TMEM129: variants seen among roughly 807,000 people sequenced by gnomAD.
The protein encoded by TMEM129 is transmembrane protein 129, E3 ubiquitin ligase, also known as E3 ubiquitin-protein ligase TM129.
Under a neutral mutation model 34.1 loss-of-function variants are expected in TMEM129, and 35 were observed. The observed-to-expected ratio is 1.03, with a 90% CI of 0.78 to 1.36. The LOEUF is 1.36. Among genes scored for constraint, TMEM129 ranks in the 40% most tolerant of loss-of-function variants. The pLI is 0.00. For missense variants in TMEM129, 504 were observed against 512.6 expected, an observed-to-expected ratio of 0.98 and a Z score of 0.16; for synonymous variants, 239 against 217.3, an observed-to-expected ratio of 1.10 and a Z score of -0.88.
In TMEM129 at chr4:1,716,216, A is replaced by G. The variant is rs1169169069; in HGVS notation, c.*964T>C. On this transcript the variant is annotated 3_prime_UTR_variant, in exon 4 of 4. Transcript: ENST00000382936. The stretch of plus-strand genomic sequence containing the variant: ...ACCTCTGCCTCAAACAGCCAAGCCC[A>G]GGGGCTTTGGGGCCGCAGGTATGAA... 1 of 152,282 alleles carries G rather than the reference A, an allele frequency of 6.6e-6. No individual in the cohort carries two copies. Among genetic ancestry groups the G allele is most frequent in the Non-Finnish European group, 1.5e-5 (1 of 68,098 alleles). 9.4% of individuals were successfully genotyped at this position (152,282 alleles called of 1,614,324 possible). A position where few individuals can be genotyped will look rare whatever the true frequency, so the allele number is the denominator to read the frequency against.
rs1717320048 is a variant in TMEM129, at chr4:1,721,194, T to A, written c.-357A>T. 5.5e-6 allele frequency: 1 copy of A among 182,822 alleles called. No homozygotes were observed. Among genetic ancestry groups the A allele is most frequent in the Non-Finnish European group, 1.1e-5 (1 of 90,188 alleles). 11.3% of individuals were successfully genotyped at this position (182,822 alleles called of 1,614,324 possible). A position where few individuals can be genotyped will look rare whatever the true frequency, so the allele number is the denominator to read the frequency against. On this transcript the variant is annotated 5_prime_UTR_variant, in exon 1 of 4. Coordinates refer to ENST00000382936, the MANE Select transcript of TMEM129 (RefSeq NM_001127266.2). ...CCGGCCCTGGAGGCGGCACCGCACC[T>A]GTGCATTGAGCACAGGTGGGGAAAC...
chr4:1,716,767 A>C lies in TMEM129; in HGVS notation c.*413T>G. The C allele has an allele frequency of 5.8e-6, 1 of 171,234 alleles. No homozygotes were observed. 10.6% of individuals were successfully genotyped at this position (171,234 alleles called of 1,614,324 possible). A position where few individuals can be genotyped will look rare whatever the true frequency, so the allele number is the denominator to read the frequency against. The stretch of plus-strand genomic sequence containing the variant: ...GCCAGCTCCAGGACAGGGCAGGAGA[A>C]TGCGGTCCAGGTCTGGCACGTAACT... On this transcript the variant is annotated 3_prime_UTR_variant, in exon 4 of 4. Transcript: ENST00000382936.
rs758011254 is a variant in TMEM129, at chr4:1,716,214, C to A, written c.*966G>T. The A allele has an allele frequency of 6.6e-6, 1 of 152,320 alleles. No individual in the cohort carries two copies. Among genetic ancestry groups the A allele is most frequent in the Non-Finnish European group, 1.5e-5 (1 of 68,128 alleles). The allele number at this position is 152,320 out of a possible 1,614,324, so 9.4% of individuals were successfully genotyped here. On this transcript the variant is annotated 3_prime_UTR_variant, in exon 4 of 4. Transcript: ENST00000382936. ...TCACCTCTGCCTCAAACAGCCAAGC[C>A]CAGGGGCTTTGGGGCCGCAGGTATG...
At position 1,717,695 on chromosome 4, in the gene TMEM129, T is replaced by G; in HGVS notation, c.681-20A>C. On this transcript the variant is annotated intron_variant, in intron 2 of 3. Coordinates refer to ENST00000382936, the MANE Select transcript of TMEM129 (RefSeq NM_001127266.2). ...TTCAGCCTGCAGGGAGGAGAGCTGC[T>G]GGGCCCCTCTGCAGGGCAAAGGGAG... 1 of 1,484,708 alleles carries G rather than the reference T, an allele frequency of 6.7e-7. No homozygotes were observed. The highest frequency in any genetic ancestry group is 9.0e-7 in the Non-Finnish European group (1 of 1,111,960). The allele number at this position is 1,484,708 out of a possible 1,614,324, so 92.0% of individuals were successfully genotyped here.
At position 1,721,227 on chromosome 4, in the gene TMEM129, T is replaced by G; in HGVS notation, c.-390A>C. Reference sequence around the variant, plus strand: ...GAGCACAGGTGGGGAAACTTAGGCCTGAGCGAGGCCCTGGCCATGAAGCCC... The same window carrying G: ...GAGCACAGGTGGGGAAACTTAGGCCGGAGCGAGGCCCTGGCCATGAAGCCC... On this transcript the variant is annotated 5_prime_UTR_variant, in exon 1 of 4. Coordinates refer to ENST00000382936, the MANE Select transcript of TMEM129 (RefSeq NM_001127266.2). 6.1e-6 allele frequency: 1 copy of G among 163,728 alleles called. No individual in the cohort carries two copies. The highest frequency in any genetic ancestry group is 1.3e-5 in the Non-Finnish European group (1 of 76,384). 10.1% of individuals were successfully genotyped at this position (163,728 alleles called of 1,614,324 possible).
chr4:1,718,013 CCT>C, intron 2 of TMEM129, 137 bp downstream of exon 2: 3 of 821,022 alleles, frequency 3.7e-6, no homozygotes, highest in Non-Finnish European at 5.6e-6. Flanking sequence ...CTTGTGGACA[CCT>C]TGCCTGGTGT....
At position 1,717,103 on chromosome 4, in the gene TMEM129, C is replaced by G; in HGVS notation, c.*77G>C. The G allele has an allele frequency of 1.5e-6, 2 of 1,376,818 alleles. No homozygotes were observed. Among genetic ancestry groups the G allele is most frequent in the South Asian group, 3.4e-5 (2 of 58,384 alleles). 85.3% of individuals were successfully genotyped at this position (1,376,818 alleles called of 1,614,324 possible). On this transcript the variant is annotated 3_prime_UTR_variant, in exon 4 of 4. Transcript: ENST00000382936. ...GCTTTAAGTAGAGCCCTTTGCCAGCCAGGAGGCCCAGCCACCCCCTTCCCT... is the reference window on the plus strand; with the variant it reads ...GCTTTAAGTAGAGCCCTTTGCCAGCGAGGAGGCCCAGCCACCCCCTTCCCT...
rs1717008462 is a variant in TMEM129 at position 1,717,238 on chromosome 4, A to AC, written c.1030dup (p.Val344GlyfsTer26). ...GCGTGCGCGGCAGGTGGGGCAGGGCACGCGGCTGGCCAGCCAGGTGTCAGG... is the reference window on the plus strand; with the variant it reads ...GCGTGCGCGGCAGGTGGGGCAGGGCACCGCGGCTGGCCAGCCAGGTGTCAGG... On this transcript the variant is annotated frameshift_variant, in exon 4 of 4. Coordinates refer to ENST00000382936, the MANE Select transcript of TMEM129 (RefSeq NM_001127266.2). LOFTEE classifies it high-confidence loss of function. 1.3e-6 allele frequency: 2 copies of AC among 1,510,276 alleles called. No individual in the cohort carries two copies. Among genetic ancestry groups the AC allele is most frequent in the Admixed American group, 2.0e-5 (1 of 49,628 alleles). The allele number at this position is 1,510,276 out of a possible 1,614,324, so 93.6% of individuals were successfully genotyped here.
rs1046913418 is a variant in TMEM129 at position 1,720,556 on chromosome 4, T to A, written c.205+77A>T. 30 of 1,453,574 alleles carry A rather than the reference T, an allele frequency of 2.1e-5. No homozygotes were observed. The African/African-American group carries it at 3.6e-4, about 17-fold the overall frequency. 90.0% of individuals were successfully genotyped at this position (1,453,574 alleles called of 1,614,324 possible). A position where few individuals can be genotyped will look rare whatever the true frequency, so the allele number is the denominator to read the frequency against. The stretch of plus-strand genomic sequence containing the variant: ...AGGCGCTTTCGGGGCCTCGGGGAGC[T>A]GGCGGAGGCCTCCTCCTGACCTCCC... On this transcript the variant is annotated intron_variant, in intron 1 of 3. Coordinates refer to ENST00000382936, the MANE Select transcript of TMEM129 (RefSeq NM_001127266.2). The surrounding 1 kb of genome is among the most constrained non-coding windows in gnomAD (Gnocchi z 4.4).
In TMEM129 at chr4:1,717,628, G is replaced by C. The variant is rs1717037832; in HGVS notation, c.728C>G (p.Pro243Arg). The C allele has an allele frequency of 6.5e-7, 1 of 1,546,970 alleles. No homozygotes were observed. Among genetic ancestry groups the C allele is most frequent in the Admixed American group, 2.0e-5 (1 of 50,312 alleles). The change falls in exon 3 of 4, where the codon CCC becomes CGC. Residue 243 changes from proline (P) to arginine (R), a missense_variant. Pro to Arg is a moderately radical substitution (Grantham distance 103). Transcript: ENST00000382936. ...YGELCEKLRAPIRRAAHVVIH... is the reference protein window; with the variant it reads ...YGELCEKLRARIRRAAHVVIH... ...GACCACATGGGCTGCCCTGCGGATG[G>C]GTGCCCGGAGCTTCTCGCAGAGCTC...
In TMEM129 at chr4:1,718,566, G is replaced by T; in HGVS notation, c.266C>A (p.Ala89Asp). ...CAGGAAGAGCCGCCAGGCCTCAGGGGCCTGGCTGAGGGCGTGGAGCCGCTT... is the reference window on the plus strand; with the variant it reads ...CAGGAAGAGCCGCCAGGCCTCAGGGTCCTGGCTGAGGGCGTGGAGCCGCTT... The part of the protein sequence containing the change: ...SEKRLHALSQ[A>D]PEAWRLFLLL... Residue 89 changes from alanine (A) to aspartate (D), a missense_variant, in exon 2 of 4, where the codon GCC (alanine) becomes GAC (aspartate). Transcript: ENST00000382936. 4.0e-6 allele frequency: 6 copies of T among 1,483,182 alleles called. No homozygotes were observed. Among genetic ancestry groups the T allele is most frequent in the Non-Finnish European group, 4.5e-6 (5 of 1,114,248 alleles). 91.9% of individuals were successfully genotyped at this position (1,483,182 alleles called of 1,614,324 possible).
In TMEM129 at chr4:1,720,639, G is replaced by A. The variant is rs1408586459; in HGVS notation, c.199C>T (p.Pro67Ser). The change falls in exon 1 of 4, where the codon CCG becomes TCG. Residue 67 changes from proline (P) to serine (S), a missense_variant. Pro to Ser is a moderately conservative substitution (Grantham distance 74). Coordinates refer to ENST00000382936, the MANE Select transcript of TMEM129 (RefSeq NM_001127266.2). This position sits in a 1 kb window ranked among gnomAD's most constrained non-coding sequence, Gnocchi z 4.4. The part of the protein sequence containing the change: ...AATLLCHSLL[P>S]LGYYVGMCLA... ...CCGGCCCGAGCAGCCTCACCGAGCG[G>A]CAGCAGCGAGTGGCACAACAGCGTG... The A allele has an allele frequency of 1.3e-6, 2 of 1,540,270 alleles. No individual in the cohort carries two copies. Among genetic ancestry groups the A allele is most frequent in the African/African-American group, 1.4e-5 (1 of 72,810 alleles).
chr4:1,717,876 T>C lies in TMEM129; in HGVS notation c.681-201A>G, dbSNP rs1717054006. ...CTAGGAGCAAGGCAGCTGTCCAGCC[T>C]GAGGGCTGCACTGTCCTGAGTGCTC... On this transcript the variant is annotated intron_variant, in intron 2 of 3. Coordinates refer to ENST00000382936, the MANE Select transcript of TMEM129 (RefSeq NM_001127266.2). The C allele has an allele frequency of 8.0e-6, 6 of 748,192 alleles. 1 individual carries two copies. In the South Asian group the frequency reaches 1.2e-4, roughly 15 times the overall value. 46.3% of individuals were successfully genotyped at this position (748,192 alleles called of 1,614,324 possible).
At position 1,717,148 on chromosome 4, in the gene TMEM129, A is replaced by C; in HGVS notation, c.*32T>G. The C allele has an allele frequency of 1.4e-6, 2 of 1,397,502 alleles. No homozygotes were observed. The highest frequency in any genetic ancestry group is 2.7e-5 in the East Asian group (1 of 37,268). The allele number at this position is 1,397,502 out of a possible 1,614,324, so 86.6% of individuals were successfully genotyped here. A position where few individuals can be genotyped will look rare whatever the true frequency, so the allele number is the denominator to read the frequency against. ...TTCCCTGCCCTGTGGCTTTGGGGGG[A>C]GACACAGAGTCACCTCAAGGCCCCA... is the stretch of plus-strand genomic sequence containing the variant. On this transcript the variant is annotated 3_prime_UTR_variant, in exon 4 of 4. Coordinates refer to ENST00000382936, the MANE Select transcript of TMEM129 (RefSeq NM_001127266.2).
rs1218492860 is a variant in TMEM129 at position 1,720,396 on chromosome 4, G to A, written c.205+237C>T. Reference sequence around the variant, plus strand: ...GTGACGGTTCAGGACTTGGTGGGCCGGAGCATCCCTTGCCCAAGGTTCTGA... The same window carrying A: ...GTGACGGTTCAGGACTTGGTGGGCCAGAGCATCCCTTGCCCAAGGTTCTGA... On this transcript the variant is annotated intron_variant, in intron 1 of 3. Transcript: ENST00000382936. The surrounding 1 kb of genome is among the most constrained non-coding windows in gnomAD (Gnocchi z 4.4). Among the ~76,000 whole-genome samples, 2 of 152,226 alleles carry A rather than the reference G, an allele frequency of 1.3e-5. No homozygotes were observed. Among genetic ancestry groups the A allele is most frequent in the Admixed American group, 6.5e-5 (1 of 15,292 alleles).
Position 1,721,090 on chromosome 4 carries a change from C to T in TMEM129, c.-253G>A, listed in dbSNP as rs924963238. 82 of 276,046 alleles carry T rather than the reference C, an allele frequency of 3.0e-4. No individual in the cohort carries two copies. The highest frequency in any genetic ancestry group is 1.1e-3 in the Middle Eastern group (1 of 948). 17.1% of individuals were successfully genotyped at this position (276,046 alleles called of 1,614,324 possible). A position where few individuals can be genotyped will look rare whatever the true frequency, so the allele number is the denominator to read the frequency against. ...CGGCCGCCCGCGGGGCACTCTAGGG[C>T]ATGGAGTCCCGCCGCTCGGCCGCTC... On this transcript the variant is annotated 5_prime_UTR_variant, in exon 1 of 4. It removes an upstream start codon present in the reference 5' UTR. Transcript: ENST00000382936.
intron 1 of TMEM129, among the ~76,000 whole-genome samples, chr4:1,719,966 C>T (rs1329746486): frequency 2.0e-5 from 3 of 152,180 alleles, no homozygotes; most frequent in African/African-American, 4.8e-5. Context: ...CCCAGGGCTG[C>T]GTCTGCCCCC....
Position 1,720,125 on chromosome 4 carries a change from C to G in TMEM129, c.205+508G>C, listed in dbSNP as rs951259577. On this transcript the variant is annotated intron_variant, in intron 1 of 3. Transcript: ENST00000382936. This position sits in a 1 kb window ranked among gnomAD's most constrained non-coding sequence, Gnocchi z 4.4. ...CAGCCCAGCACCCCCCTGGACAACTCTGAGCGTCCCACCTGCACTGCACAG... is the reference window on the plus strand; with the variant it reads ...CAGCCCAGCACCCCCCTGGACAACTGTGAGCGTCCCACCTGCACTGCACAG... Among the ~76,000 whole-genome samples the G allele has an allele frequency of 2.0e-5, 3 of 152,172 alleles. No homozygotes were observed. The highest frequency in any genetic ancestry group is 1.5e-5 in the Non-Finnish European group (1 of 68,020).
At position 1,717,330 on chromosome 4, in the gene TMEM129, G is replaced by A. The variant is rs1239792833; in HGVS notation, c.939C>T (p.Tyr313=). Residue 313 remains tyrosine, a synonymous_variant, in exon 4 of 4, where the codon TAC becomes TAT. Coordinates refer to ENST00000382936, the MANE Select transcript of TMEM129 (RefSeq NM_001127266.2). The stretch of plus-strand genomic sequence containing the variant: ...AGGTGAGGCACCACATGGGGCGGCA[G>A]TAACACTGCTGGCACTCGCCTGTGG... ...EAATGECQQC[Y]CRPMWCLTCM... 1.0e-5 allele frequency: 16 copies of A among 1,537,596 alleles called. No individual in the cohort carries two copies. The highest frequency in any genetic ancestry group is 2.0e-5 in the Admixed American group (1 of 50,752).
Sources: gnomAD v4.1 joint callset for allele counts (sites outside exome capture counted in the v4.1 genomes callset) on GRCh38, gnomAD v4.1.1 for gene constraint, Gnocchi (gnomAD v3.1) non-coding constraint, MANE v1.5 for transcripts, NCBI Gene and HGNC (gene_info 2026-07-23, HGNC 2026-07-21) for gene names.